CLCN4: variants seen among roughly 807,000 people sequenced by gnomAD.
CLCN4 encodes H(+)/Cl(-) exchange transporter 4.
In CLCN4, 1 loss-of-function variant was observed where a neutral mutation model predicts 41.7. The observed-to-expected ratio is 0.02, with a 90% CI of 0.01 to 0.11. CLCN4 has a LOEUF of 0.11. Ranked by LOEUF, CLCN4 falls within the 10% of genes least tolerant of loss-of-function variation. CLCN4 has a pLI of 1.00. For synonymous variants in CLCN4, 277 were observed against 285.8 expected (o/e 0.97, Z 0.31); for missense variants, 287 against 661.0 (o/e 0.43, Z 6.20).
chrX:10,195,463 T>C (rs1023242802), intron 5 of CLCN4, among the ~76,000 whole-genome samples: 3 of 112,102 alleles, frequency 2.7e-5, no homozygotes, highest in African/African-American at 9.7e-5. Flanking sequence ...AACATAACTT[T>C]TTAAGTTATC....
chrX:10,220,596 G>A (rs1602164403), intron 11 of CLCN4, 65 bp from the exon 12 acceptor site: 2 of 838,373 alleles, frequency 2.4e-6, no homozygotes, highest in Admixed American at 4.4e-5. Context: ...GTGTGAGTGT[G>A]GGGTGGGGAA....
At chrX:10,165,395 G>C (rs1923222578) in intron 2 of CLCN4, among the ~76,000 whole-genome samples, 1 of 112,785 alleles carries the variant, frequency 8.9e-6, no homozygotes, top group African/African-American at 3.2e-5. Flanking sequence ...GGGAACAGCA[G>C]GGTCATGAAG....
intron 11 of CLCN4, among the ~76,000 whole-genome samples, chrX:10,215,472 T>C (rs1924679366): frequency 9.0e-6 from 1 of 110,645 alleles, no homozygotes; most frequent in East Asian, 2.8e-4. Flanking sequence ...ATGCTTCTCC[T>C]TATTATAGGT....
chrX:10,199,539 A>G (rs1924183218), intron 6 of CLCN4, among the ~76,000 whole-genome samples: 1 of 110,992 alleles, frequency 9.0e-6, no homozygotes, highest in Admixed American at 9.5e-5. Flanking sequence ...TGGGTGTGGC[A>G]CCCTGGCATA....
At chrX:10,206,248 C>T in intron 6 of CLCN4, 110 bp from the exon 7 acceptor site, 1 of 526,950 alleles carries the variant, frequency 1.9e-6, no homozygotes, top group South Asian at 2.9e-5. Context: ...CTGTTCCATG[C>T]TATTGAGTGA....
chrX:10,216,186 G>A lies in CLCN4; in HGVS notation c.1975+2107G>A, dbSNP rs756418068. ...AAGATAGTATGGATCAGAAAAGAAA[G>A]GTAAGTGAGGTAAATAAGGATTTTT... is the stretch of plus-strand genomic sequence containing the variant. On this transcript the variant is annotated intron_variant, in intron 11 of 12. Transcript: ENST00000380833. Among the ~76,000 whole-genome samples the A allele has an allele frequency of 1.6e-3, 181 of 112,251 alleles. 1 individual carries two copies. Among genetic ancestry groups the A allele is most frequent in the African/African-American group, 5.6e-3 (174 of 30,949 alleles).
intron 2 of CLCN4, among the ~76,000 whole-genome samples, chrX:10,168,966 C>T (rs1224708882): frequency 4.5e-5 from 5 of 110,661 alleles, no homozygotes; most frequent in Non-Finnish European, 9.4e-5. Context: ...CCCTGTATAG[C>T]CTAATAGCTT....
rs757313483 is a variant in CLCN4 at position 10,189,681 on chromosome X, G to C, written c.244+2067G>C. ...TCCTCGCTGGACTAACAGTGGAGAG[G>C]ACCTGGGGTCTCACTGCCTGGCCGG... On this transcript the variant is annotated intron_variant, in intron 4 of 12. Coordinates refer to ENST00000380833, the MANE Select transcript of CLCN4 (RefSeq NM_001830.4). Among the ~76,000 whole-genome samples the C allele has an allele frequency of 1.5e-4, 17 of 112,475 alleles. 1 individual carries two copies. Among genetic ancestry groups the C allele is most frequent in the Non-Finnish European group, 2.8e-4 (15 of 53,241 alleles).
chrX:10,227,831 T>C (rs928480567), intron 12 of CLCN4, among the ~76,000 whole-genome samples: 2 of 112,623 alleles, frequency 1.8e-5, no homozygotes, highest in African/African-American at 6.5e-5. Flanking sequence ...AAGATGTGTC[T>C]GTACTTCTTT....
intron 11 of CLCN4, among the ~76,000 whole-genome samples, chrX:10,216,325 G>C (rs779623930): frequency 2.0e-4 from 23 of 112,277 alleles, no homozygotes; most frequent in African/African-American, 6.5e-4. Flanking sequence ...CACGTCGTTA[G>C]CACCACCTAG....
At chrX:10,165,805 G>A (rs988114850) in intron 2 of CLCN4, among the ~76,000 whole-genome samples, 1 of 112,009 alleles carries the variant, frequency 8.9e-6, no homozygotes, top group African/African-American at 3.2e-5. Flanking sequence ...GCTTAGTCAC[G>A]CATCACACCA....
Position 10,234,522 on chromosome X carries a change from G to C in CLCN4, c.*938G>C, listed in dbSNP as rs1433216079. ...TTTCATTTTCAAGTAGCATATGCAA[G>C]AGTCCAAACAGGCTACCCAATGTTA... On this transcript the variant is annotated 3_prime_UTR_variant, in exon 13 of 13. Transcript: ENST00000380833. 8.8e-6 allele frequency: 1 copy of C among 113,090 alleles called. No individual in the cohort carries two copies. Among genetic ancestry groups the C allele is most frequent in the East Asian group, 2.8e-4 (1 of 3,615 alleles). The allele number at this position is 113,090 out of a possible 1,213,427, so 9.3% of individuals were successfully genotyped here. A position where few individuals can be genotyped will look rare whatever the true frequency, so the allele number is the denominator to read the frequency against.
chrX:10,176,021 C>T (rs1923524731), intron 2 of CLCN4, among the ~76,000 whole-genome samples: 1 of 103,499 alleles, frequency 9.7e-6, no homozygotes, highest in African/African-American at 3.6e-5. Context: ...TTTCCCAAAG[C>T]TTTAAGGTTG....
chrX:10,186,495 A>C (rs1923815085), intron 3 of CLCN4, among the ~76,000 whole-genome samples: 1 of 110,212 alleles, frequency 9.1e-6, no homozygotes, highest in Non-Finnish European at 1.9e-5. Context: ...CTCTATGGAG[A>C]GGTCAGGTAG....
At chrX:10,191,471 C>T (rs1389891852) in intron 4 of CLCN4, among the ~76,000 whole-genome samples, 1 of 111,977 alleles carries the variant, frequency 8.9e-6, no homozygotes, top group East Asian at 2.8e-4. Context: ...TACTTTGTGA[C>T]TATTTTGAAG....
intron 2 of CLCN4, among the ~76,000 whole-genome samples, chrX:10,165,404 A>G (rs1168772178): frequency 8.9e-6 from 1 of 112,577 alleles, no homozygotes; most frequent in African/African-American, 3.2e-5. Context: ...AGGGTCATGA[A>G]GGAGAGGCTG....
In CLCN4 at chrX:10,158,337, G is replaced by C. The variant is rs1040053244; in HGVS notation, c.-226G>C. 1 of 292,182 alleles carries C rather than the reference G, an allele frequency of 3.4e-6. No homozygotes were observed. The highest frequency in any genetic ancestry group is 6.0e-6 in the Non-Finnish European group (1 of 167,211). The allele number at this position is 292,182 out of a possible 1,213,427, so 24.1% of individuals were successfully genotyped here. On this transcript the variant is annotated 5_prime_UTR_variant, in exon 2 of 13. Coordinates refer to ENST00000380833, the MANE Select transcript of CLCN4 (RefSeq NM_001830.4). The stretch of plus-strand genomic sequence containing the variant: ...GCGAAACGCCTGAGGGGCGGCCAGC[G>C]CGAGGGTTTCTGGCCATCGACCCTC...
At chrX:10,229,693 C>T (rs1044086393) in intron 12 of CLCN4, among the ~76,000 whole-genome samples, 11 of 110,914 alleles carry the variant, frequency 9.9e-5, no homozygotes, top group Non-Finnish European at 2.1e-4. Context: ...TGGTTTCCAG[C>T]TTCATCCATG....
Position 10,233,662 on chromosome X carries a change from A to G in CLCN4, c.*78A>G, listed in dbSNP as rs1925177350. The G allele has an allele frequency of 2.5e-6, 2 of 810,814 alleles. No individual in the cohort carries two copies. The highest frequency in any genetic ancestry group is 4.8e-5 in the Admixed American group (2 of 41,304). The allele number at this position is 810,814 out of a possible 1,213,427, so 66.8% of individuals were successfully genotyped here. A position where few individuals can be genotyped will look rare whatever the true frequency, so the allele number is the denominator to read the frequency against. On this transcript the variant is annotated 3_prime_UTR_variant, in exon 13 of 13. Transcript: ENST00000380833. Reference sequence around the variant, plus strand: ...AAATAAATGATATGTTATTATCCCAATGAAAGATCATGCATTGGGGACAGC... The same window carrying G: ...AAATAAATGATATGTTATTATCCCAGTGAAAGATCATGCATTGGGGACAGC...
Sources: gnomAD v4.1 joint callset for allele counts (sites outside exome capture counted in the v4.1 genomes callset) on GRCh38, gnomAD v4.1.1 for gene constraint, MANE v1.5 for transcripts, NCBI Gene and HGNC (gene_info 2026-07-23, HGNC 2026-07-21) for gene names.